The following KANSL1 variants were observed in gnomAD, a reference collection of about 807,000 sequenced individuals.
The protein encoded by KANSL1 is MLL1/MLL complex subunit KANSL1.
In KANSL1, 22 loss-of-function variants were observed where a neutral mutation model predicts 103.6. The observed-to-expected ratio is 0.21, with a 90% CI of 0.15 to 0.30. The LOEUF (loss-of-function observed/expected upper bound fraction) is 0.30. Among genes scored for constraint, KANSL1 ranks in the 10% least tolerant of loss-of-function variants. KANSL1 has a pLI of 1.00. For synonymous variants in KANSL1, 600 were observed against 527.6 expected, an observed-to-expected ratio of 1.14 and a Z score of -1.88; for missense variants, 1,337 against 1,399.8, an observed-to-expected ratio of 0.96 and a Z score of 0.72.
intron 1 of KANSL1, among the ~76,000 whole-genome samples, chr17:46,184,689 T>C (rs2046936703): frequency 6.6e-6 from 1 of 152,188 alleles, no homozygotes; most frequent in African/African-American, 2.4e-5. Flanking sequence ...GGTTACATGC[T>C]CTTTCAAGTA....
chr17:46,185,696 C>CACATACACAT (rs1567781978), intron 1 of KANSL1, among the ~76,000 whole-genome samples: 3 of 44,480 alleles, frequency 6.7e-5, no homozygotes, highest in African/African-American at 9.5e-5. Flanking sequence ...CATATATACA[C>CACATACACAT]ACACACACAC....
At chr17:46,060,875 T>G (rs1001785259) in intron 6 of KANSL1, among the ~76,000 whole-genome samples, 2 of 152,210 alleles carry the variant, frequency 1.3e-5, no homozygotes, top group East Asian at 3.8e-4. Flanking sequence ...AGAGGAGGAC[T>G]ACTCGGAATT....
At chr17:46,096,130 T>C (rs1341827215) in intron 2 of KANSL1, among the ~76,000 whole-genome samples, 1 of 144,214 alleles carries the variant, frequency 6.9e-6, no homozygotes, top group Non-Finnish European at 1.6e-5. Context: ...ACCATCATGA[T>C]ACTGTATTTT....
chr17:46,191,224 A>T (rs1189981316), intron 1 of KANSL1, among the ~76,000 whole-genome samples: 1 of 152,224 alleles, frequency 6.6e-6, no homozygotes, highest in Admixed American at 6.5e-5. Flanking sequence ...TAAAAGTAAA[A>T]ATTTTCTAGA....
At chr17:46,128,134 A>T (rs17577650) in intron 2 of KANSL1, among the ~76,000 whole-genome samples, 6 of 151,944 alleles carry the variant, frequency 3.9e-5, no homozygotes, top group Non-Finnish European at 7.4e-5. Flanking sequence ...AATTCTTAAC[A>T]TGTCCCACAA....
intron 6 of KANSL1, among the ~76,000 whole-genome samples, chr17:46,058,368 T>C (rs1273887102): frequency 6.6e-6 from 1 of 152,230 alleles, no homozygotes; most frequent in African/African-American, 2.4e-5. Context: ...GCTTTAGTTG[T>C]GGAGCTAGAC....
rs1391596104 is a variant in KANSL1 at position 46,172,168 on chromosome 17, A to G, written c.-25T>C. 1 of 1,593,246 alleles carries G rather than the reference A, an allele frequency of 6.3e-7. No homozygotes were observed. Among genetic ancestry groups the G allele is most frequent in the Non-Finnish European group, 8.5e-7 (1 of 1,175,978 alleles). ...TTCAGCACAGAGAGACAGGAAGTCC[A>G]GCCTCTCCCGATGCCGAGGCCGAGG... On this transcript the variant is annotated 5_prime_UTR_variant, in exon 2 of 15. Transcript: ENST00000432791.
At chr17:46,203,494 G>C (rs1224459673) in intron 1 of KANSL1, among the ~76,000 whole-genome samples, 1 of 152,222 alleles carries the variant, frequency 6.6e-6, no homozygotes, top group Admixed American at 6.5e-5. Context: ...CTGAGTACCA[G>C]TGGATGTTAA....
At chr17:46,082,326 A>G in intron 4 of KANSL1, 115 bp downstream of exon 4, 1 of 627,658 alleles carries the variant, frequency 1.6e-6, no homozygotes, top group East Asian at 2.8e-5. Context: ...ATAAAAGTAG[A>G]TACAGTTCCC....
chr17:46,178,888 G>A (rs2046651859), intron 1 of KANSL1, among the ~76,000 whole-genome samples: 1 of 152,112 alleles, frequency 6.6e-6, no homozygotes. Context: ...GACCTCTAGG[G>A]TCCCTTCCTA....
At chr17:46,091,795 A>G (rs2079399201) in intron 3 of KANSL1, among the ~76,000 whole-genome samples, 1 of 150,786 alleles carries the variant, frequency 6.6e-6, no homozygotes, top group Admixed American at 6.7e-5. Flanking sequence ...TGTATGTATT[A>G]AGTATGTATA....
intron 1 of KANSL1, among the ~76,000 whole-genome samples, chr17:46,178,660 T>C (rs1355534273): frequency 1.3e-5 from 2 of 152,210 alleles, no homozygotes; most frequent in African/African-American, 4.8e-5. Flanking sequence ...TTCAAAGAAG[T>C]ATTTTAGGGT....
chr17:46,112,368 CAAAAAAAAAAAAAAAAAA>C (rs34480982), intron 2 of KANSL1, among the ~76,000 whole-genome samples: 1 of 51,074 alleles, frequency 2.0e-5, no homozygotes, highest in Non-Finnish European at 3.2e-5. Context: ...AACTCTGTCT[CAAAAAAAAAAAAAAAAAA>C]AAAAAAAAAG....
chr17:46,143,586 C>T (rs1409323826), intron 2 of KANSL1, among the ~76,000 whole-genome samples: 3 of 152,058 alleles, frequency 2.0e-5, no homozygotes, highest in South Asian at 2.1e-4. Context: ...GGGTAGATCA[C>T]GAGGTCAGGA....
intron 2 of KANSL1, among the ~76,000 whole-genome samples, chr17:46,125,565 A>C (rs2043516584): frequency 1.3e-5 from 2 of 152,242 alleles, no homozygotes; most frequent in Admixed American, 1.3e-4. Context: ...ACCACTCCCA[A>C]GACCAAAGGG....
intron 2 of KANSL1, among the ~76,000 whole-genome samples, chr17:46,163,820 A>G (rs1401977220): frequency 6.6e-6 from 1 of 152,168 alleles, no homozygotes; most frequent in Non-Finnish European, 1.5e-5. Flanking sequence ...TACATTTACC[A>G]TCTGTACCTA....
chr17:46,118,787 A>G (rs1468241), intron 2 of KANSL1, among the ~76,000 whole-genome samples: 21,678 of 152,048 alleles, frequency 0.14, 2,126 homozygotes, highest in Non-Finnish European at 0.22. Context: ...AACAACCAAT[A>G]GTCAGTGCAC....
chr17:46,068,440 G>C (rs891616995), intron 4 of KANSL1, among the ~76,000 whole-genome samples: 1 of 152,002 alleles, frequency 6.6e-6, no homozygotes, highest in South Asian at 2.1e-4. Context: ...GGTGGTGCGT[G>C]CATGTAGTCC....
chr17:46,205,153 T>A (rs2047922170), intron 1 of KANSL1, among the ~76,000 whole-genome samples: 1 of 151,618 alleles, frequency 6.6e-6, no homozygotes, highest in Non-Finnish European at 1.5e-5. Flanking sequence ...CACTCAGGCT[T>A]AAAAAAAAGA....
Sources: allele counts gnomAD v4.1 joint callset (sites outside exome capture counted in the v4.1 genomes callset), GRCh38; gene constraint gnomAD v4.1.1; transcripts MANE v1.5; gene names NCBI Gene and HGNC (gene_info 2026-07-23, HGNC 2026-07-21).